Variants in PDS5B observed in about 807,000 individuals in gnomAD.
PDS5B encodes the protein PDS5 cohesin associated factor B.
Under a neutral mutation model 184.1 loss-of-function variants are expected in PDS5B, and 51 were observed. The ratio of observed to expected loss-of-function variants is 0.28; its 90% CI spans 0.22 to 0.35. The LOEUF (loss-of-function observed/expected upper bound fraction) is 0.35, where lower values mean the gene tolerates loss of function less well. Ranked by LOEUF, PDS5B falls within the 10% of genes least tolerant of loss-of-function variation. The probability of loss-of-function intolerance (pLI) is 1.00; values close to 1 mark genes in which losing one functional copy is unlikely to be tolerated. For synonymous variants in PDS5B, 566 were observed against 569.2 expected (o/e 0.99, Z 0.08); for missense variants, 1,180 against 1,723.3 (o/e 0.68, Z 5.58).
At chr13:32,596,804 T>G (rs1467968623) in intron 1 of PDS5B, among the ~76,000 whole-genome samples, 1 of 152,136 alleles carries the variant, frequency 6.6e-6, no homozygotes, top group Non-Finnish European at 1.5e-5. Context: ...AGGATGCCTC[T>G]TCAAGCTTTC....
At position 32,699,851 on chromosome 13, in the gene PDS5B, G is replaced by A; in HGVS notation, c.1722G>A (p.Lys574=). ...TTGTTAGTCCAACATGCTCCTGCAA[G>A]CAGGCTGAAGGTTGTGTGGTAAGGA... ...EVLVSPTCSC[K]QAEGCVREIT... Residue 574 remains lysine, a synonymous_variant, in exon 16 of 35, where the codon AAG becomes AAA. Transcript: ENST00000315596. The A allele has an allele frequency of 6.4e-7, 1 of 1,571,232 alleles. No homozygotes were observed. Among genetic ancestry groups the A allele is most frequent in the Non-Finnish European group, 8.6e-7 (1 of 1,163,654 alleles).
rs74394456 is a variant in PDS5B at position 32,743,746 on chromosome 13, T to G, written c.2612+1019T>G. ...TCAAACAAAACATATAAAAAAAAAC[T>G]TGGTAAGCTATTCATTCTGTATCTG... On this transcript the variant is annotated intron_variant, in intron 23 of 34. Transcript: ENST00000315596. Among the ~76,000 whole-genome samples the G allele has an allele frequency of 2.3e-3, 352 of 152,236 alleles. 2 individuals carry two copies. The highest frequency in any genetic ancestry group is 8.0e-3 in the African/African-American group (331 of 41,574).
At chr13:32,675,712 A>C (rs535041721) in intron 8 of PDS5B, 132 bp from the exon 9 acceptor site, 147 of 545,692 alleles carry the variant, frequency 2.7e-4, no homozygotes, top group African/African-American at 2.4e-3. Context: ...ATTTTTATGT[A>C]ATTTTTCATT....
chr13:32,676,932 CAAAAAAAAAAAAAAA>C (rs4057303), intron 9 of PDS5B, among the ~76,000 whole-genome samples: 1 of 78,796 alleles, frequency 1.3e-5, no homozygotes, highest in African/African-American at 5.1e-5. Flanking sequence ...CTCTTGTCTC[CAAAAAAAAAAAAAAA>C]AAAAAAAAAG....
intron 21 of PDS5B, 111 bp downstream of exon 21, chr13:32,735,441 ATT>A: frequency 1.4e-6 from 1 of 695,220 alleles, no homozygotes; most frequent in Non-Finnish European, 2.3e-6. Context: ...GACTGCCTTG[ATT>A]TTAGGTTTTC....
chr13:32,591,413 G>A lies in PDS5B; in HGVS notation c.-20+4820G>A, dbSNP rs2057774087. Among the ~76,000 whole-genome samples the A allele has an allele frequency of 2.0e-5, 3 of 152,148 alleles. 1 individual carries two copies. The highest frequency in any genetic ancestry group is 7.2e-5 in the African/African-American group (3 of 41,504). On this transcript the variant is annotated intron_variant, in intron 1 of 34. Coordinates refer to ENST00000315596, the MANE Select transcript of PDS5B (RefSeq NM_015032.4). ...ATTACAGGCATGAGCCACCACGTCC[G>A]GCCTACTGTTTTATTTTTTAACTGT...
At position 32,764,539 on chromosome 13, in the gene PDS5B, C is replaced by G. The variant is rs770612427; in HGVS notation, c.3569C>G (p.Ser1190Cys). The part of the protein sequence containing the change: ...DHSENEDYTM[S>C]SPLPGKKSDK... ...AGTGAAAATGAAGATTACACAATGT[C>G]TTCACCTTTGCCGGGGAAAAAAAGT... Residue 1190 changes from serine (S) to cysteine (C), a missense_variant, in exon 31 of 35, where the codon TCT becomes TGT. By Grantham distance (112) the Ser-to-Cys change is moderately radical. Coordinates refer to ENST00000315596, the MANE Select transcript of PDS5B (RefSeq NM_015032.4). 2 of 1,607,366 alleles carry G rather than the reference C, an allele frequency of 1.2e-6. No homozygotes were observed. Among genetic ancestry groups the G allele is most frequent in the African/African-American group, 1.3e-5 (1 of 74,746 alleles).
intron 1 of PDS5B, among the ~76,000 whole-genome samples, chr13:32,590,928 G>A (rs2057764298): frequency 6.6e-6 from 1 of 150,536 alleles, no homozygotes; most frequent in South Asian, 2.1e-4. Flanking sequence ...CTAAAGAATT[G>A]TGTATTTTAA....
At chr13:32,594,511 A>G (rs2057827946) in intron 1 of PDS5B, among the ~76,000 whole-genome samples, 1 of 152,216 alleles carries the variant, frequency 6.6e-6, no homozygotes, top group Non-Finnish European at 1.5e-5. Flanking sequence ...GAAGGGCTCA[A>G]TACAATATTT....
chr13:32,742,531 G>T (rs1953595051), intron 22 of PDS5B, 60 bp from the exon 23 acceptor site: 14 of 1,398,652 alleles, frequency 1.0e-5, no homozygotes, highest in South Asian at 1.3e-5. Flanking sequence ...AAAAAAAGTT[G>T]ATACAGAAAT....
Position 32,694,261 on chromosome 13 carries a change from G to A in PDS5B, c.1508G>A (p.Arg503Gln), listed in dbSNP as rs1200647108. The part of the protein sequence containing the change: ...NEMWKCQNLL[R>Q]HQVKDLLDLI... The stretch of plus-strand genomic sequence containing the variant: ...ATGTGGAAATGTCAAAATCTGCTCC[G>A]ACATCAAGTAAAGGATTTGCTTGAC... The change falls in exon 14 of 35, where the codon CGA becomes CAA. Residue 503 changes from arginine (R) to glutamine (Q), a missense_variant. Physicochemically the swap from Arg to Gln is conservative, Grantham distance 43 (BLOSUM62 1). Coordinates refer to ENST00000315596, the MANE Select transcript of PDS5B (RefSeq NM_015032.4). The A allele has an allele frequency of 4.4e-6, 7 of 1,601,524 alleles. No individual in the cohort carries two copies. Among genetic ancestry groups the A allele is most frequent in the African/African-American group, 1.4e-5 (1 of 73,862 alleles).
intron 19 of PDS5B, among the ~76,000 whole-genome samples, chr13:32,721,723 G>A (rs865953554): frequency 7.3e-5 from 11 of 150,994 alleles, no homozygotes; most frequent in Non-Finnish European, 1.5e-4. Flanking sequence ...TAGACAGGAT[G>A]ACGGCCGGGA....
At chr13:32,597,119 G>C (rs540527149) in intron 1 of PDS5B, among the ~76,000 whole-genome samples, 2 of 151,960 alleles carry the variant, frequency 1.3e-5, no homozygotes, top group Admixed American at 1.3e-4. Flanking sequence ...CTGCAGCCTG[G>C]AACTTTTGGG....
chr13:32,615,157 A>C (rs889165604), intron 1 of PDS5B, among the ~76,000 whole-genome samples: 7 of 152,170 alleles, frequency 4.6e-5, no homozygotes, highest in African/African-American at 1.7e-4. Flanking sequence ...TGTTTTGTCT[A>C]TTTTATAACT....
At chr13:32,724,204 A>G (rs1344725210) in intron 19 of PDS5B, among the ~76,000 whole-genome samples, 1 of 151,610 alleles carries the variant, frequency 6.6e-6, no homozygotes, top group Admixed American at 6.6e-5. Flanking sequence ...GCGGCCTTGA[A>G]CTTCTGGGCT....
chr13:32,655,036 A>G (rs916387809), intron 3 of PDS5B, among the ~76,000 whole-genome samples: 2 of 152,082 alleles, frequency 1.3e-5, no homozygotes, highest in African/African-American at 4.8e-5. Flanking sequence ...TCCTTTGGTT[A>G]TATACCCAAT....
At position 32,775,552 on chromosome 13, in the gene PDS5B, G is replaced by A. The variant is rs1954929434; in HGVS notation, c.*500G>A. 1.7e-5 allele frequency: 7 copies of A among 406,204 alleles called. No individual in the cohort carries two copies. The highest frequency in any genetic ancestry group is 1.2e-4 in the South Asian group (7 of 56,410). The allele number at this position is 406,204 out of a possible 1,614,324, so 25.2% of individuals were successfully genotyped here. Reference sequence around the variant, plus strand: ...TCTTGATGTCACTATTTGTTGGAGAGTTAAATGGTCTCTTCCCTTTGTGTA... The same window carrying A: ...TCTTGATGTCACTATTTGTTGGAGAATTAAATGGTCTCTTCCCTTTGTGTA... On this transcript the variant is annotated 3_prime_UTR_variant, in exon 35 of 35. Coordinates refer to ENST00000315596, the MANE Select transcript of PDS5B (RefSeq NM_015032.4).
chr13:32,743,248 G>A (rs1953624361), intron 23 of PDS5B, among the ~76,000 whole-genome samples: 1 of 151,890 alleles, frequency 6.6e-6, no homozygotes, highest in South Asian at 2.1e-4. Flanking sequence ...TCAAATTCTG[G>A]TTCCACCACT....
chr13:32,723,128 C>T (rs142562004), intron 19 of PDS5B, among the ~76,000 whole-genome samples: 4 of 152,242 alleles, frequency 2.6e-5, no homozygotes, highest in African/African-American at 9.6e-5. Context: ...TATACATACA[C>T]TGAGAGCTAT....
Sources: gnomAD v4.1 joint callset for allele counts (sites outside exome capture counted in the v4.1 genomes callset) on GRCh38, gnomAD v4.1.1 for gene constraint, MANE v1.5 for transcripts, NCBI Gene and HGNC (gene_info 2026-07-23, HGNC 2026-07-21) for gene names.